Variants in KCNQ1 observed in about 807,000 individuals in gnomAD.
The protein encoded by KCNQ1 is potassium voltage-gated channel subfamily Q member 1.
KCNQ1 carries 49 observed loss-of-function variants against 72.4 expected under a neutral mutation model. The ratio of observed to expected loss-of-function variants is 0.68; its 90% CI spans 0.54 to 0.86. KCNQ1 has a LOEUF of 0.86. KCNQ1 is among the 40% of genes least tolerant of loss of function. The pLI is 0.00. For missense variants in KCNQ1, 790 were observed against 945.1 expected (o/e 0.84, Z 2.15); for synonymous variants, 450 against 412.6 (o/e 1.09, Z -1.10).
chr11:2,580,565 C>T (rs1191704353), intron 6 of KCNQ1, among the ~76,000 whole-genome samples: 2 of 152,212 alleles, frequency 1.3e-5, no homozygotes, highest in African/African-American at 4.8e-5. Flanking sequence ...AGAGCAACGT[C>T]CCACTGCTTA....
At position 2,803,471 on chromosome 11, in the gene KCNQ1, G is replaced by A. The variant is rs1365400250; in HGVS notation, c.1794+25434G>A. ...CACCTGTGTTCCCAGGAGCTTTAGGGGTACCCAGGTGGTGTGATGGGGAGC... is the reference window on the plus strand; with the variant it reads ...CACCTGTGTTCCCAGGAGCTTTAGGAGTACCCAGGTGGTGTGATGGGGAGC... On this transcript the variant is annotated intron_variant, in intron 15 of 15. Transcript: ENST00000155840. The surrounding 1 kb of genome is among the most constrained non-coding windows in gnomAD (Gnocchi z 6.4). Among the ~76,000 whole-genome samples the A allele has an allele frequency of 6.6e-6, 1 of 152,174 alleles. No homozygotes were observed. The highest frequency in any genetic ancestry group is 2.4e-5 in the African/African-American group (1 of 41,440).
intron 11 of KCNQ1, chr11:2,694,381 C>G (rs1850638449): frequency 5.0e-6 from 2 of 398,526 alleles, no homozygotes; most frequent in African/African-American, 4.1e-5. Flanking sequence ...GCTATCATGA[C>G]TATGGGAGAA....
In KCNQ1 at chr11:2,526,310, G is replaced by A. The variant is rs1847505054; in HGVS notation, c.387-1618G>A. On this transcript the variant is annotated intron_variant, in intron 1 of 15. Transcript: ENST00000155840. The surrounding 1 kb of genome is among the most constrained non-coding windows in gnomAD (Gnocchi z 6.1). ...GATGGGCAGGGTGCAGACAGGGGCT[G>A]GCTGGGTTCGGCTCTGCAGGTAGAG... Among the ~76,000 whole-genome samples the A allele has an allele frequency of 1.3e-5, 2 of 152,150 alleles. No homozygotes were observed. The highest frequency in any genetic ancestry group is 2.9e-5 in the Non-Finnish European group (2 of 68,010).
rs1442452528 is a variant in KCNQ1 at position 2,817,165 on chromosome 11, C to T, written c.1795-30602C>T. Among the ~76,000 whole-genome samples, 1 of 152,234 alleles carries T rather than the reference C, an allele frequency of 6.6e-6. No homozygotes were observed. Among genetic ancestry groups the T allele is most frequent in the Non-Finnish European group, 1.5e-5 (1 of 68,038 alleles). On this transcript the variant is annotated intron_variant, in intron 15 of 15. Transcript: ENST00000155840. This position sits in a 1 kb window ranked among gnomAD's most constrained non-coding sequence, Gnocchi z 6.1. ...TCCACAGGCCAACTCTGCGCACGCTCCTTTCAAGGGTTAACGGTGCAAGCT... is the reference window on the plus strand; with the variant it reads ...TCCACAGGCCAACTCTGCGCACGCTTCTTTCAAGGGTTAACGGTGCAAGCT...
chr11:2,650,318 GT>G (rs1018632035), intron 10 of KCNQ1: 55 of 398,294 alleles, frequency 1.4e-4, no homozygotes, highest in African/African-American at 7.6e-4. Context: ...ATGTTTTCTT[GT>G]TTTTTTCCCC....
chr11:2,564,241 A>G lies in KCNQ1; in HGVS notation c.478-6387A>G, dbSNP rs1021662330. Among the ~76,000 whole-genome samples the G allele has an allele frequency of 3.3e-5, 5 of 152,204 alleles. No individual in the cohort carries two copies. Among genetic ancestry groups the G allele is most frequent in the African/African-American group, 1.2e-4 (5 of 41,442 alleles). On this transcript the variant is annotated intron_variant, in intron 2 of 15. Coordinates refer to ENST00000155840, the MANE Select transcript of KCNQ1 (RefSeq NM_000218.3). The surrounding 1 kb of genome is among the most constrained non-coding windows in gnomAD (Gnocchi z 4.5). ...GAGCTTTTTCATCACCTCAAAAGGA[A>G]AACCATCCCCATTGCCCTTCTCCTA...
Position 2,563,788 on chromosome 11 carries a change from C to CCT in KCNQ1, c.478-6839_478-6838dup, listed in dbSNP as rs1340904992. 6.6e-6 allele frequency among the ~76,000 whole-genome samples: 1 copy of CCT among 152,222 alleles called. No homozygotes were observed. The highest frequency in any genetic ancestry group is 1.9e-4 in the East Asian group (1 of 5,198). ...TTTCCACCCAGGGCCCTTTGCACTG[C>CCT]CTGCTATTTGTTTTCTGTCTTCATC... is the stretch of plus-strand genomic sequence containing the variant. On this transcript the variant is annotated intron_variant, in intron 2 of 15. Coordinates refer to ENST00000155840, the MANE Select transcript of KCNQ1 (RefSeq NM_000218.3). The surrounding 1 kb of genome is among the most constrained non-coding windows in gnomAD (Gnocchi z 7.4).
intron 10 of KCNQ1, among the ~76,000 whole-genome samples, chr11:2,596,846 T>A (rs1848739387): frequency 6.6e-6 from 1 of 151,796 alleles, no homozygotes; most frequent in Non-Finnish European, 1.5e-5. Flanking sequence ...GTTATGTCAA[T>A]TATATCTCAA....
At chr11:2,625,405 C>T (rs1849246371) in intron 10 of KCNQ1, 1 of 398,468 alleles carries the variant, frequency 2.5e-6, no homozygotes, top group South Asian at 1.3e-4. Flanking sequence ...AGAGATGGGT[C>T]TCACTATGTT....
chr11:2,838,263 C>G (rs890985690), intron 15 of KCNQ1, among the ~76,000 whole-genome samples: 1 of 152,190 alleles, frequency 6.6e-6, no homozygotes, highest in Non-Finnish European at 1.5e-5. Flanking sequence ...CCAAACTATC[C>G]ACATGCCCGT....
rs541220656 is a variant in KCNQ1 at position 2,651,312 on chromosome 11, G to C, written c.1394-10649G>C. The stretch of plus-strand genomic sequence containing the variant: ...TGGTGGGCAGCTGGGAAGCTGCACA[G>C]AACACTCCTCAGAGTTCTACAAGCG... On this transcript the variant is annotated intron_variant, in intron 10 of 15. Coordinates refer to ENST00000155840, the MANE Select transcript of KCNQ1 (RefSeq NM_000218.3). This position sits in a 1 kb window ranked among gnomAD's most constrained non-coding sequence, Gnocchi z 6.1. The C allele has an allele frequency of 5.8e-5, 23 of 398,686 alleles. No homozygotes were observed. The highest frequency in any genetic ancestry group is 3.9e-4 in the African/African-American group (19 of 48,774). The allele number at this position is 398,686 out of a possible 1,614,324, so 24.7% of individuals were successfully genotyped here.
chr11:2,675,381 T>C (rs971776215), intron 11 of KCNQ1: 1 of 398,502 alleles, frequency 2.5e-6, no homozygotes, highest in African/African-American at 2.1e-5. Flanking sequence ...AGAAAACATT[T>C]AAACACAGAT....
rs150517985 is a variant in KCNQ1 at position 2,828,758 on chromosome 11, C to T, written c.1795-19009C>T. On this transcript the variant is annotated intron_variant, in intron 15 of 15. Coordinates refer to ENST00000155840, the MANE Select transcript of KCNQ1 (RefSeq NM_000218.3). This position sits in a 1 kb window ranked among gnomAD's most constrained non-coding sequence, Gnocchi z 5.3. ...ACAACAGGGATTCAGTAAATGCATT[C>T]AAGCTAAAAAGGAAGACCTCCTCCC... is the stretch of plus-strand genomic sequence containing the variant. Among the ~76,000 whole-genome samples the T allele has an allele frequency of 6.6e-6, 1 of 152,328 alleles. No homozygotes were observed. Among genetic ancestry groups the T allele is most frequent in the East Asian group, 1.9e-4 (1 of 5,194 alleles).
chr11:2,617,740 G>A lies in KCNQ1; in HGVS notation c.1393+28886G>A, dbSNP rs1220836113. The A allele has an allele frequency of 2.5e-6, 1 of 398,460 alleles. No homozygotes were observed. Among genetic ancestry groups the A allele is most frequent in the East Asian group, 3.6e-5 (1 of 28,068 alleles). The allele number at this position is 398,460 out of a possible 1,614,324, so 24.7% of individuals were successfully genotyped here. A position where few individuals can be genotyped will look rare whatever the true frequency, so the allele number is the denominator to read the frequency against. On this transcript the variant is annotated intron_variant, in intron 10 of 15. Transcript: ENST00000155840. This position sits in a 1 kb window ranked among gnomAD's most constrained non-coding sequence, Gnocchi z 4.6. ...TAATAGCTATTCTCATGAGTGTGAG[G>A]TGATATCGCATAGTAATTTTGATTT... is the stretch of plus-strand genomic sequence containing the variant.
In KCNQ1 at chr11:2,565,286, G is replaced by A. The variant is rs897089004; in HGVS notation, c.478-5342G>A. ...CTTCTCCGGATCCTTGGGAGCACTT[G>A]TCACTCTGTTTGGGGTGGCAGCCAC... On this transcript the variant is annotated intron_variant, in intron 2 of 15. Coordinates refer to ENST00000155840, the MANE Select transcript of KCNQ1 (RefSeq NM_000218.3). The surrounding 1 kb of genome is among the most constrained non-coding windows in gnomAD (Gnocchi z 5.6). Among the ~76,000 whole-genome samples, 1 of 152,156 alleles carries A rather than the reference G, an allele frequency of 6.6e-6. No individual in the cohort carries two copies. Among genetic ancestry groups the A allele is most frequent in the Non-Finnish European group, 1.5e-5 (1 of 68,026 alleles).
Position 2,803,404 on chromosome 11 carries a change from T to A in KCNQ1, c.1794+25367T>A, listed in dbSNP as rs1298143079. Among the ~76,000 whole-genome samples the A allele has an allele frequency of 6.6e-6, 1 of 152,188 alleles. No homozygotes were observed. The highest frequency in any genetic ancestry group is 2.4e-5 in the African/African-American group (1 of 41,452). ...AGTTCCCATGGTGTGTGTAGAATGA[T>A]ATTCCCTCCAGACCACGGTGCCTTC... On this transcript the variant is annotated intron_variant, in intron 15 of 15. Transcript: ENST00000155840. This position sits in a 1 kb window ranked among gnomAD's most constrained non-coding sequence, Gnocchi z 6.4.
chr11:2,587,463 A>G, intron 8 of KCNQ1, 107 bp from the exon 9 acceptor site: 1 of 1,517,980 alleles, frequency 6.6e-7, no homozygotes, highest in Non-Finnish European at 9.0e-7. Context: ...TGCCACCCAG[A>G]GGGGAGGGGC....
intron 1 of KCNQ1, among the ~76,000 whole-genome samples, chr11:2,504,186 A>G (rs530645024): frequency 6.6e-6 from 1 of 152,328 alleles, no homozygotes; most frequent in South Asian, 2.1e-4. Flanking sequence ...AACAACATGG[A>G]TGGAACTGGA....
At chr11:2,572,185 C>T (rs1279626198) in intron 5 of KCNQ1, 76 bp downstream of exon 5, 8 of 1,158,568 alleles carry the variant, frequency 6.9e-6, no homozygotes, top group Admixed American at 3.8e-5. Flanking sequence ...CACACTAGGA[C>T]AGCTTGAGAT....
Sources: allele counts gnomAD v4.1 joint callset (sites outside exome capture counted in the v4.1 genomes callset), GRCh38; gene constraint gnomAD v4.1.1; non-coding constraint Gnocchi (gnomAD v3.1); transcripts MANE v1.5; gene names NCBI Gene and HGNC (gene_info 2026-07-23, HGNC 2026-07-21).